SLC25A21: variants seen among roughly 807,000 people sequenced by gnomAD.
SLC25A21 encodes the protein mitochondrial 2-oxodicarboxylate carrier.
A neutral mutation model predicts 43.8 loss-of-function variants in SLC25A21; 47 were observed. The ratio of observed to expected loss-of-function variants is 1.07; its 90% CI spans 0.85 to 1.37. The LOEUF is 1.37. Ranked by LOEUF, SLC25A21 falls within the 40% of genes most tolerant of loss-of-function variation. The pLI is 0.00. For synonymous variants in SLC25A21, 131 were observed against 121.3 expected, an observed-to-expected ratio of 1.08 and a Z score of -0.52; for missense variants, 352 against 350.2, an observed-to-expected ratio of 1.00 and a Z score of -0.04.
intron 1 of SLC25A21, among the ~76,000 whole-genome samples, chr14:36,942,104 C>T (rs1393437935): frequency 6.6e-6 from 1 of 151,800 alleles, no homozygotes; most frequent in Admixed American, 6.6e-5. Flanking sequence ...ATTAGTTAGA[C>T]TATTATTCAT....
chr14:36,865,624 G>A (rs1402268901), intron 2 of SLC25A21, among the ~76,000 whole-genome samples: 1 of 152,036 alleles, frequency 6.6e-6, no homozygotes, highest in Non-Finnish European at 1.5e-5. Flanking sequence ...TTATTTACAT[G>A]ACTTTTTACA....
At chr14:36,954,587 G>T (rs746832387) in intron 1 of SLC25A21, among the ~76,000 whole-genome samples, 2 of 151,844 alleles carry the variant, frequency 1.3e-5, no homozygotes, top group Non-Finnish European at 2.9e-5. Flanking sequence ...ATGATGTTCT[G>T]AAATAGTCCA....
chr14:36,946,177 T>C (rs1241356386), intron 1 of SLC25A21, among the ~76,000 whole-genome samples: 1 of 152,160 alleles, frequency 6.6e-6, no homozygotes, highest in Admixed American at 6.5e-5. Context: ...AGGAGACAAG[T>C]TTGCAAATGC....
intron 1 of SLC25A21, among the ~76,000 whole-genome samples, chr14:36,898,408 C>T (rs527926357): frequency 6.6e-6 from 1 of 152,256 alleles, no homozygotes; most frequent in Admixed American, 6.5e-5. Context: ...GTGGGAGTGA[C>T]CCAATTTTCC....
chr14:36,743,293 T>G (rs1566563234), intron 3 of SLC25A21, among the ~76,000 whole-genome samples: 1 of 152,210 alleles, frequency 6.6e-6, no homozygotes, highest in Non-Finnish European at 1.5e-5. Flanking sequence ...TATTTATAAC[T>G]GACTATATGG....
intron 1 of SLC25A21, among the ~76,000 whole-genome samples, chr14:36,919,573 T>C (rs1439569695): frequency 1.3e-5 from 2 of 151,974 alleles, no homozygotes; most frequent in African/African-American, 2.4e-5. Context: ...TAGATATAGA[T>C]ATACATACAT....
chr14:36,923,650 C>T (rs1233819807), intron 1 of SLC25A21, among the ~76,000 whole-genome samples: 1 of 152,070 alleles, frequency 6.6e-6, no homozygotes, highest in Non-Finnish European at 1.5e-5. Context: ...AGCAGTAGCA[C>T]AAAGGATGGG....
chr14:37,072,411 A>C (rs765044875), intron 1 of SLC25A21, among the ~76,000 whole-genome samples: 4 of 152,096 alleles, frequency 2.6e-5, no homozygotes, highest in Non-Finnish European at 5.9e-5. Flanking sequence ...AAAGTAGGGG[A>C]TGTGCAGGGT....
At chr14:36,826,565 G>A (rs1301126103) in intron 2 of SLC25A21, among the ~76,000 whole-genome samples, 1 of 152,212 alleles carries the variant, frequency 6.6e-6, no homozygotes, top group Non-Finnish European at 1.5e-5. Context: ...AAGGACCAGA[G>A]AACCTAGCTT....
At chr14:37,103,249 T>C (rs996426984) in intron 1 of SLC25A21, among the ~76,000 whole-genome samples, 1 of 152,200 alleles carries the variant, frequency 6.6e-6, no homozygotes, top group Non-Finnish European at 1.5e-5. Context: ...TCTCTTCCTT[T>C]ACCAAAGGAT....
intron 2 of SLC25A21, among the ~76,000 whole-genome samples, chr14:36,819,818 T>C (rs1594616460): frequency 1.3e-5 from 2 of 151,890 alleles, no homozygotes; most frequent in African/African-American, 4.8e-5. Flanking sequence ...GTAATCGTGG[T>C]TTTGGCCATT....
chr14:37,146,615 A>G (rs1366420895), intron 1 of SLC25A21, among the ~76,000 whole-genome samples: 1 of 152,200 alleles, frequency 6.6e-6, no homozygotes, highest in African/African-American at 2.4e-5. Flanking sequence ...ATGTTTTAAT[A>G]TATAATAAAT....
intron 1 of SLC25A21, among the ~76,000 whole-genome samples, chr14:37,084,012 T>G (rs1396527545): frequency 3.3e-5 from 5 of 152,214 alleles, no homozygotes; most frequent in Admixed American, 3.3e-4. Flanking sequence ...GCATGGTGAC[T>G]ATTCATCCTA....
intron 1 of SLC25A21, among the ~76,000 whole-genome samples, chr14:37,008,781 T>C (rs1384851161): frequency 1.3e-5 from 2 of 152,200 alleles, no homozygotes; most frequent in Non-Finnish European, 2.9e-5. Flanking sequence ...TGAAGTTTTA[T>C]GTCTCAATGA....
intron 2 of SLC25A21, among the ~76,000 whole-genome samples, chr14:36,819,870 AC>A (rs1218221341): frequency 6.6e-6 from 1 of 151,770 alleles, no homozygotes; most frequent in Non-Finnish European, 1.5e-5. Flanking sequence ...AATGGCCAAA[AC>A]CGCACTTACT....
intron 1 of SLC25A21, among the ~76,000 whole-genome samples, chr14:36,978,401 C>T (rs894357375): frequency 5.9e-5 from 9 of 152,104 alleles, no homozygotes; most frequent in African/African-American, 2.2e-4. Flanking sequence ...ATGTGCATAT[C>T]TTAATTAAAA....
At position 36,861,625 on chromosome 14, in the gene SLC25A21, C is replaced by A. The variant is rs554094275; in HGVS notation, c.119+13331G>T. ...GCTCTTTACAGAGGCAGCTAAGGAG[C>A]AAACACTCTGGATAAAGATAATTTT... On this transcript the variant is annotated intron_variant, in intron 2 of 9. Transcript: ENST00000331299. 3.9e-5 allele frequency among the ~76,000 whole-genome samples: 6 copies of A among 152,326 alleles called. No individual in the cohort carries two copies. The South Asian group carries it at 8.3e-4, about 21-fold the overall frequency.
intron 3 of SLC25A21, among the ~76,000 whole-genome samples, chr14:36,774,809 G>A (rs1161934536): frequency 6.6e-6 from 1 of 152,136 alleles, no homozygotes; most frequent in Non-Finnish European, 1.5e-5. Flanking sequence ...GAAAAACAAA[G>A]AGGTAAAATA....
chr14:36,984,449 A>C (rs1023695698), intron 1 of SLC25A21, among the ~76,000 whole-genome samples: 6 of 152,106 alleles, frequency 3.9e-5, no homozygotes, highest in African/African-American at 1.2e-4. Flanking sequence ...TTTAACTTCA[A>C]CTTTTTTATT....
Sources: allele counts gnomAD v4.1 joint callset (sites outside exome capture counted in the v4.1 genomes callset), GRCh38; gene constraint gnomAD v4.1.1; transcripts MANE v1.5; gene names NCBI Gene and HGNC (gene_info 2026-07-23, HGNC 2026-07-21).